FUT9: variants seen among roughly 807,000 people sequenced by gnomAD.
FUT9 encodes fucosyltransferase 9.
In FUT9, 15 loss-of-function variants were observed where a neutral mutation model predicts 29.7. The observed-to-expected ratio is 0.51, with a 90% confidence interval of 0.34 to 0.78. The LOEUF (loss-of-function observed/expected upper bound fraction) is 0.78. Ranked by LOEUF, FUT9 falls within the 30% of genes least tolerant of loss-of-function variation. The pLI is 0.01. For missense variants in FUT9, 319 were observed against 425.4 expected (o/e 0.75, Z 2.20); for synonymous variants, 169 against 153.7 (o/e 1.10, Z -0.74).
rs541437331 is a variant in FUT9, at chr6:96,038,210, G to T, written c.-98+21998G>T. On this transcript the variant is annotated intron_variant, in intron 1 of 2. Transcript: ENST00000302103. ...TTCCAATTATGGAATCAAATCAGAA[G>T]AAGAGTAAAGTTTTCAAAAGAGAGG... Among the ~76,000 whole-genome samples the T allele has an allele frequency of 3.3e-5, 5 of 152,236 alleles. No individual in the cohort carries two copies. The South Asian group carries it at 1.0e-3, about 32-fold the overall frequency.
chr6:96,049,952 C>T (rs1562108161), intron 1 of FUT9, among the ~76,000 whole-genome samples: 1 of 152,022 alleles, frequency 6.6e-6, no homozygotes, highest in Non-Finnish European at 1.5e-5. Context: ...AGATATAATC[C>T]TCATCTTAAA....
At chr6:96,199,302 A>G (rs1479403679) in intron 2 of FUT9, among the ~76,000 whole-genome samples, 1 of 152,238 alleles carries the variant, frequency 6.6e-6, no homozygotes, top group African/African-American at 2.4e-5. Context: ...TGTCAAGGAG[A>G]TGTCAATTTG....
chr6:96,189,457 A>G (rs151093201), intron 2 of FUT9, among the ~76,000 whole-genome samples: 200 of 152,214 alleles, frequency 1.3e-3, no homozygotes, highest in African/African-American at 4.6e-3. Context: ...ACATCACGCT[A>G]TTGGAGGAAT....
At chr6:96,146,357 C>T (rs1489938010) in intron 2 of FUT9, among the ~76,000 whole-genome samples, 1 of 152,088 alleles carries the variant, frequency 6.6e-6, no homozygotes, top group Non-Finnish European at 1.5e-5. Flanking sequence ...CACAGTCAAT[C>T]CTGGAAAGTA....
At chr6:96,112,395 G>C (rs887820720) in intron 1 of FUT9, among the ~76,000 whole-genome samples, 20 of 152,114 alleles carry the variant, frequency 1.3e-4, no homozygotes, top group Non-Finnish European at 2.4e-4. Flanking sequence ...GGTGATATTT[G>C]ACTTTTTAAA....
At chr6:96,195,878 T>C (rs1468585103) in intron 2 of FUT9, among the ~76,000 whole-genome samples, 1 of 152,178 alleles carries the variant, frequency 6.6e-6, no homozygotes, top group African/African-American at 2.4e-5. Flanking sequence ...ACAATGATTA[T>C]ATGGGGAGCA....
chr6:96,125,846 C>T (rs1408805206), intron 2 of FUT9, among the ~76,000 whole-genome samples: 4 of 152,168 alleles, frequency 2.6e-5, no homozygotes, highest in African/African-American at 7.2e-5. Flanking sequence ...ATCCTGCCTT[C>T]GTTTATTTTC....
intron 2 of FUT9, among the ~76,000 whole-genome samples, chr6:96,188,094 G>C (rs924158414): frequency 1.3e-5 from 2 of 152,080 alleles, no homozygotes; most frequent in African/African-American, 4.8e-5. Flanking sequence ...CTGGCCGTTG[G>C]CTTCCAGAAA....
At chr6:96,146,709 C>A (rs1167650075) in intron 2 of FUT9, among the ~76,000 whole-genome samples, 2 of 152,124 alleles carry the variant, frequency 1.3e-5, no homozygotes, top group South Asian at 2.1e-4. Context: ...TTCCATGTTA[C>A]CAGAAAACAG....
chr6:96,069,627 A>G (rs200561238), intron 1 of FUT9, among the ~76,000 whole-genome samples: 2 of 31,506 alleles, frequency 6.3e-5, no homozygotes, highest in African/African-American at 1.9e-4. Flanking sequence ...TTATTTTTTT[A>G]TTTTTTATTT....
intron 1 of FUT9, among the ~76,000 whole-genome samples, chr6:96,073,738 C>A (rs758170053): frequency 6.6e-6 from 1 of 152,046 alleles, no homozygotes; most frequent in Admixed American, 6.6e-5. Flanking sequence ...ATGAGGGGCC[C>A]AAGATGGTGC....
intron 1 of FUT9, among the ~76,000 whole-genome samples, chr6:96,098,732 A>C (rs542211094): frequency 6.6e-6 from 1 of 152,300 alleles, no homozygotes. Context: ...ACTGTTTGGT[A>C]GGAAAGATCT....
intron 2 of FUT9, among the ~76,000 whole-genome samples, chr6:96,200,487 G>A (rs757991270): frequency 1.3e-5 from 2 of 152,086 alleles, no homozygotes; most frequent in Non-Finnish European, 2.9e-5. Flanking sequence ...TCCTTTTTAG[G>A]GGTTCTAGAA....
intron 2 of FUT9, among the ~76,000 whole-genome samples, chr6:96,194,501 G>A (rs1562160391): frequency 1.3e-5 from 2 of 152,226 alleles, no homozygotes; most frequent in East Asian, 1.9e-4. Context: ...CTAGGGAAAT[G>A]GAGAGAAGTC....
intron 1 of FUT9, among the ~76,000 whole-genome samples, chr6:96,034,334 G>A (rs1326717976): frequency 1.3e-5 from 2 of 151,360 alleles, no homozygotes; most frequent in African/African-American, 2.4e-5. Context: ...GTTAAGCACT[G>A]TAACCCTATT....
chr6:96,106,677 C>T (rs1475747004), intron 1 of FUT9, among the ~76,000 whole-genome samples: 2 of 152,120 alleles, frequency 1.3e-5, no homozygotes, highest in African/African-American at 2.4e-5. Context: ...AGAACTTAAC[C>T]CAAACCTTAT....
At chr6:96,114,669 A>G (rs1771877489) in intron 2 of FUT9, among the ~76,000 whole-genome samples, 1 of 151,828 alleles carries the variant, frequency 6.6e-6, no homozygotes, top group Admixed American at 6.6e-5. Context: ...ATAAAAAAAG[A>G]AAAGTAGTCT....
intron 2 of FUT9, among the ~76,000 whole-genome samples, chr6:96,140,246 T>A (rs1320305683): frequency 1.3e-5 from 2 of 152,180 alleles, no homozygotes; most frequent in Non-Finnish European, 2.9e-5. Flanking sequence ...GACTTTACTG[T>A]CCATATCACT....
Position 96,069,205 on chromosome 6 carries a change from C to T in FUT9, c.-97-44834C>T, listed in dbSNP as rs986363927. On this transcript the variant is annotated intron_variant, in intron 1 of 2. Transcript: ENST00000302103. ...TGGCACGTGCCTGTAATCCCAGCTACTCGGGAGGCACAGGCAGGAGCATTG... is the reference window on the plus strand; with the variant it reads ...TGGCACGTGCCTGTAATCCCAGCTATTCGGGAGGCACAGGCAGGAGCATTG... Among the ~76,000 whole-genome samples, 12 of 152,022 alleles carry T rather than the reference C, an allele frequency of 7.9e-5. 1 individual carries two copies. The highest frequency in any genetic ancestry group is 2.9e-4 in the African/African-American group (12 of 41,388).
Sources: allele counts gnomAD v4.1 joint callset (sites outside exome capture counted in the v4.1 genomes callset), GRCh38; gene constraint gnomAD v4.1.1; transcripts MANE v1.5; gene names NCBI Gene and HGNC (gene_info 2026-07-23, HGNC 2026-07-21).